CIITA: variants seen among roughly 807,000 people sequenced by gnomAD.
CIITA encodes the protein class II major histocompatibility complex transactivator.
CIITA carries 72 observed loss-of-function variants against 115.1 expected under a neutral mutation model. The ratio of observed to expected loss-of-function variants is 0.63; its 90% confidence interval spans 0.52 to 0.76. The LOEUF is 0.76. CIITA is among the 30% of genes least tolerant of loss of function. The pLI is 0.00. For missense variants in CIITA, 1,617 were observed against 1,463.8 expected (o/e 1.10, Z -1.71); for synonymous variants, 763 against 635.6 (o/e 1.20, Z -3.02).
chr16:10,875,773 C>A (rs115423759), upstream of CIITA, among the ~76,000 whole-genome samples: 1 of 151,970 alleles, frequency 6.6e-6, no homozygotes, highest in Non-Finnish European at 1.5e-5. Context: ...TGGGCACACT[C>A]GATCCTCCCA....
downstream of CIITA, chr16:10,939,765 T>C (rs547450948): frequency 5.9e-5 from 9 of 152,386 alleles, no homozygotes; most frequent in East Asian, 1.7e-3. The surrounding 1 kb of genome is among the most constrained non-coding windows in gnomAD (Gnocchi z 4.9). Context: ...GACATGGCAG[T>C]GAACACAACA....
In CIITA at chr16:10,895,178, T is replaced by C. The variant is rs1344130644; in HGVS notation, c.53-104T>C. 7 of 1,368,324 alleles carry C rather than the reference T, an allele frequency of 5.1e-6. No homozygotes were observed. The East Asian group carries it at 1.6e-4, about 31-fold the overall frequency. 84.8% of individuals were successfully genotyped at this position (1,368,324 alleles called of 1,614,324 possible). ...GTGCTGAATGAGCGCTTTTATTCAC[T>C]CCTCTCATCCCCAGCCCTCACCAGC... is the stretch of plus-strand genomic sequence containing the variant. On this transcript the variant is annotated intron_variant, in intron 1 of 19. Transcript: ENST00000324288.
Position 10,915,610 on chromosome 16 carries a change from G to T in CIITA, c.2929G>T (p.Val977Leu). Residue 977 changes from valine to leucine, a missense_variant, in exon 14 of 20, where the codon GTG becomes TTG. Coordinates refer to ENST00000324288, the MANE Select transcript of CIITA (RefSeq NM_000246.4). ...AGGCCCCCAGGCTTTCCCCAAACTG[G>T]TGCGGATCCTCACGGCCTTTTCCTC... ...VSGPQAFPKL[V>L]RILTAFSSLQ... 1 of 1,614,112 alleles carries T rather than the reference G, an allele frequency of 6.2e-7. No homozygotes were observed. The highest frequency in any genetic ancestry group is 8.5e-7 in the Non-Finnish European group (1 of 1,180,000).
In CIITA at chr16:10,929,255, A is replaced by C. The variant is rs1455320046; in HGVS notation, c.*5400A>C. The C allele has an allele frequency of 4.0e-5, 39 of 985,756 alleles. No individual in the cohort carries two copies. Among genetic ancestry groups the C allele is most frequent in the Non-Finnish European group, 4.5e-5 (37 of 829,966 alleles). 61.1% of individuals were successfully genotyped at this position (985,756 alleles called of 1,614,324 possible). A position where few individuals can be genotyped will look rare whatever the true frequency, so the allele number is the denominator to read the frequency against. On this transcript the variant is annotated 3_prime_UTR_variant, in exon 20 of 20. Transcript: ENST00000324288. The surrounding 1 kb of genome is among the most constrained non-coding windows in gnomAD (Gnocchi z 4.3). Reference sequence around the variant, plus strand: ...GGGAGTCGCTTTTGCGTGTGTCCGCAGTTTGAAGTGTCCTCTCCGAAGGTG... The same window carrying C: ...GGGAGTCGCTTTTGCGTGTGTCCGCCGTTTGAAGTGTCCTCTCCGAAGGTG...
intron 1 of CIITA, among the ~76,000 whole-genome samples, chr16:10,869,915 A>G (rs1036645676): frequency 6.6e-6 from 1 of 152,198 alleles, no homozygotes; most frequent in Non-Finnish European, 1.5e-5. Flanking sequence ...TGTTTTGATC[A>G]CAATATGTCC....
chr16:10,882,933 G>C (rs772289784), intron 1 of CIITA, among the ~76,000 whole-genome samples: 3 of 152,058 alleles, frequency 2.0e-5, no homozygotes, highest in Non-Finnish European at 4.4e-5. Flanking sequence ...TCCTGGGCCC[G>C]GCTGCAGACT....
In CIITA at chr16:10,941,743, T is replaced by G; in HGVS notation, n.869T>G. The stretch of plus-strand genomic sequence containing the variant: ...CTACTCCAAGTACGCATCAAAGACG[T>G]CGAGCTCCGAGTCAGCATCGTAAAG... On this transcript the variant is annotated non_coding_transcript_exon_variant, in exon 2 of 2. Coordinates refer to the CIITA transcript ENST00000573379. This position sits in a 1 kb window ranked among gnomAD's most constrained non-coding sequence, Gnocchi z 6.4. The G allele has an allele frequency of 6.2e-7, 1 of 1,610,880 alleles. No individual in the cohort carries two copies. The highest frequency in any genetic ancestry group is 8.5e-7 in the Non-Finnish European group (1 of 1,178,610).
chr16:10,866,317 C>T (rs749723185), exon 1 of CIITA: 1 of 569,666 alleles, frequency 1.8e-6, no homozygotes, highest in South Asian at 1.4e-5. Flanking sequence ...CATCCTGACT[C>T]AGGTGAGAAT....
intron 1 of CIITA, among the ~76,000 whole-genome samples, chr16:10,871,226 C>A (rs188653729): frequency 6.6e-6 from 1 of 152,316 alleles, no homozygotes; most frequent in East Asian, 1.9e-4. Context: ...CCCATACACT[C>A]CCTGCAAGAG....
downstream of CIITA, chr16:10,937,879 G>C (rs1292500237): frequency 1.3e-5 from 2 of 152,214 alleles, no homozygotes; most frequent in Non-Finnish European, 2.9e-5. This position sits in a 1 kb window ranked among gnomAD's most constrained non-coding sequence, Gnocchi z 4.2. Flanking sequence ...CCACAGGGCA[G>C]CAAGAAAGTT....
rs2040973407 is a variant in CIITA at position 10,935,078 on chromosome 16, G to A, written c.*11223G>A. 6.6e-6 allele frequency: 1 copy of A among 152,254 alleles called. No homozygotes were observed. The highest frequency in any genetic ancestry group is 1.5e-5 in the Non-Finnish European group (1 of 68,040). 9.4% of individuals were successfully genotyped at this position (152,254 alleles called of 1,614,324 possible). On this transcript the variant is annotated 3_prime_UTR_variant, in exon 20 of 20. Transcript: ENST00000324288. ...CACTATCCCAATCTAATTTGCACAA[G>A]CCCTTAGGCAGGTGCTACTATTATC...
rs143781836 is a variant in CIITA at position 10,894,014 on chromosome 16, C to G, written c.53-1268C>G. On this transcript the variant is annotated intron_variant, in intron 1 of 19. Coordinates refer to ENST00000324288, the MANE Select transcript of CIITA (RefSeq NM_000246.4). Reference sequence around the variant, plus strand: ...CCCTAGGCAACCACTAATATGCTTTCTTTCTTAAAAAAAAATTAATAGAGA... The same window carrying G: ...CCCTAGGCAACCACTAATATGCTTTGTTTCTTAAAAAAAAATTAATAGAGA... 1.8e-4 allele frequency among the ~76,000 whole-genome samples: 27 copies of G among 151,776 alleles called. No homozygotes were observed. In the East Asian group the frequency reaches 5.0e-3, roughly 28 times the overall value.
rs1401909856 is a variant in CIITA at position 10,895,337 on chromosome 16, GCTT to G, written c.112_114del (p.Leu38del). The G allele has an allele frequency of 2.5e-6, 4 of 1,614,092 alleles. No individual in the cohort carries two copies. Among genetic ancestry groups the G allele is most frequent in the Admixed American group, 1.7e-5 (1 of 60,024 alleles). ...GGCCCCTAGAAGGTGGCTACCTGGA[GCTT>G]CTTAACAGCGATGCTGACCCCCTGT... On this transcript the variant is annotated inframe_deletion, in exon 2 of 20. Transcript: ENST00000324288.
chr16:10,878,558 C>T (rs2143508194), intron 1 of CIITA, among the ~76,000 whole-genome samples: 1 of 152,326 alleles, frequency 6.6e-6, no homozygotes, highest in African/African-American at 2.4e-5. Flanking sequence ...GAGTGAATAG[C>T]TCAGTTAGCT....
chr16:10,918,350 T>G, intron 15 of CIITA, 90 bp from the exon 16 acceptor site: 1 of 1,167,924 alleles, frequency 8.6e-7, no homozygotes, highest in Non-Finnish European at 1.3e-6. Flanking sequence ...GACAGCGCCA[T>G]TCACAGCCTA....
chr16:10,881,967 T>C (rs563337492), intron 1 of CIITA, among the ~76,000 whole-genome samples: 1 of 152,368 alleles, frequency 6.6e-6, no homozygotes, highest in South Asian at 2.1e-4. Context: ...GCATAATGTC[T>C]TCCAGGTTCA....
chr16:10,935,098 A>G lies in CIITA; in HGVS notation c.*11243A>G, dbSNP rs2040974246. ...CACAAGCCCTTAGGCAGGTGCTACT[A>G]TTATCCCTGTTTTACAGAGAAGGAA... On this transcript the variant is annotated 3_prime_UTR_variant, in exon 20 of 20. Coordinates refer to ENST00000324288, the MANE Select transcript of CIITA (RefSeq NM_000246.4). The G allele has an allele frequency of 6.6e-6, 1 of 152,270 alleles. No homozygotes were observed. Among genetic ancestry groups the G allele is most frequent in the South Asian group, 2.1e-4 (1 of 4,828 alleles). 9.4% of individuals were successfully genotyped at this position (152,270 alleles called of 1,614,324 possible). A position where few individuals can be genotyped will look rare whatever the true frequency, so the allele number is the denominator to read the frequency against.
intron 11 of CIITA, chr16:10,908,413 T>G (rs978142535): frequency 1.2e-5 from 7 of 600,934 alleles, no homozygotes; most frequent in Non-Finnish European, 2.1e-5. Flanking sequence ...ATGTCTAGAA[T>G]CTGAGACTGA....
At position 10,877,297 on chromosome 16, in the gene CIITA, C is replaced by T; in HGVS notation, c.-34C>T. ...GGGCACGAGGAGGGGCTGCCAGACT[C>T]CGGGAGCTGCTGCCTGGCTGGGATT... On this transcript the variant is annotated 5_prime_UTR_variant, in exon 1 of 20. Coordinates refer to ENST00000324288, the MANE Select transcript of CIITA (RefSeq NM_000246.4). 1.2e-6 allele frequency: 2 copies of T among 1,607,028 alleles called. No homozygotes were observed. Among genetic ancestry groups the T allele is most frequent in the Non-Finnish European group, 1.7e-6 (2 of 1,176,176 alleles).
Sources: allele counts gnomAD v4.1 joint callset (sites outside exome capture counted in the v4.1 genomes callset), GRCh38; gene constraint gnomAD v4.1.1; non-coding constraint Gnocchi (gnomAD v3.1); transcripts MANE v1.5; gene names NCBI Gene and HGNC (gene_info 2026-07-23, HGNC 2026-07-21).